GRM5: variants seen among roughly 807,000 people sequenced by gnomAD.
GRM5 encodes glutamate metabotropic receptor 5, also known as metabotropic glutamate receptor 5.
GRM5 carries 19 observed loss-of-function variants against 83.1 expected under a neutral mutation model. The ratio of observed to expected loss-of-function variants is 0.23; its 90% confidence interval spans 0.16 to 0.34. The LOEUF is 0.34. GRM5 is among the 10% of genes least tolerant of loss of function. The pLI, the probability that GRM5 is intolerant of heterozygous loss-of-function variation, is 1.00. For missense variants in GRM5, 1,160 were observed against 1,588.3 expected (o/e 0.73, Z 4.58); for synonymous variants, 675 against 633.6 (o/e 1.07, Z -0.98).
chr11:88,985,440 T>G (rs554965748), intron 2 of GRM5, among the ~76,000 whole-genome samples: 3 of 152,166 alleles, frequency 2.0e-5, no homozygotes, highest in Non-Finnish European at 2.9e-5. Flanking sequence ...AAGGCACAAT[T>G]TATTGTCTGT....
intron 2 of GRM5, among the ~76,000 whole-genome samples, chr11:88,867,322 T>C (rs1167991986): frequency 6.6e-6 from 1 of 151,812 alleles, no homozygotes; most frequent in African/African-American, 2.4e-5. Context: ...TGGGGTTGAA[T>C]ATGAGAAAAT....
intron 4 of GRM5, among the ~76,000 whole-genome samples, chr11:88,637,158 A>G (rs1042640213): frequency 3.3e-5 from 5 of 152,132 alleles, no homozygotes; most frequent in Admixed American, 6.6e-5. Context: ...GGCCATTTTC[A>G]TGATATAAAG....
chr11:88,909,178 C>T (rs1945452881), intron 2 of GRM5, among the ~76,000 whole-genome samples: 1 of 152,038 alleles, frequency 6.6e-6, no homozygotes, highest in Admixed American at 6.6e-5. Context: ...TATATTATTG[C>T]CTTGGAAACC....
chr11:88,941,957 A>G (rs1382675537), intron 2 of GRM5, among the ~76,000 whole-genome samples: 2 of 152,084 alleles, frequency 1.3e-5, no homozygotes, highest in African/African-American at 2.4e-5. Context: ...TACACAAAAA[A>G]ATTCACATGA....
intron 2 of GRM5, among the ~76,000 whole-genome samples, chr11:88,908,633 T>C (rs989912127): frequency 6.6e-6 from 1 of 152,200 alleles, no homozygotes; most frequent in Non-Finnish European, 1.5e-5. Flanking sequence ...TATCCTATTA[T>C]ACCTTATTTT....
chr11:88,914,821 G>A (rs991175367), intron 2 of GRM5, among the ~76,000 whole-genome samples: 18 of 151,880 alleles, frequency 1.2e-4, no homozygotes, highest in East Asian at 7.7e-4. Context: ...TTTCTCAAAC[G>A]TAAAGAAAAA....
intron 3 of GRM5, among the ~76,000 whole-genome samples, chr11:88,702,287 A>G (rs1165925732): frequency 6.6e-6 from 1 of 152,100 alleles, no homozygotes; most frequent in African/African-American, 2.4e-5. Flanking sequence ...TACAAAAAGG[A>G]ATAAATACCT....
At chr11:88,929,592 C>T (rs1277441903) in intron 2 of GRM5, among the ~76,000 whole-genome samples, 1 of 152,116 alleles carries the variant, frequency 6.6e-6, no homozygotes, top group Non-Finnish European at 1.5e-5. Context: ...TGTTCCTTTA[C>T]ATGACTAAGC....
At chr11:88,766,848 T>G (rs180709911) in intron 3 of GRM5, among the ~76,000 whole-genome samples, 6 of 152,018 alleles carry the variant, frequency 3.9e-5, no homozygotes, top group African/African-American at 1.4e-4. Flanking sequence ...GTTAAACAAA[T>G]TCACAAGCAA....
At chr11:88,571,192 A>G (rs972815477) in intron 7 of GRM5, among the ~76,000 whole-genome samples, 6 of 152,154 alleles carry the variant, frequency 3.9e-5, no homozygotes, top group African/African-American at 1.4e-4. Flanking sequence ...TACTATTTTT[A>G]TCAGATATAT....
chr11:88,986,769 C>T (rs1267732380), intron 2 of GRM5, among the ~76,000 whole-genome samples: 1 of 128,860 alleles, frequency 7.8e-6, no homozygotes, highest in African/African-American at 2.7e-5. Context: ...ATCATATCCT[C>T]CCCCAAAAAT....
rs575702592 is a variant in GRM5 at position 88,590,593 on chromosome 11, T to C, written c.1690+8A>G. 24 of 1,610,978 alleles carry C rather than the reference T, an allele frequency of 1.5e-5. No homozygotes were observed. Among genetic ancestry groups the C allele is most frequent in the Admixed American group, 5.0e-5 (3 of 59,906 alleles). The stretch of plus-strand genomic sequence containing the variant: ...TAATTTATATGTGGTGAGATTGTGA[T>C]AGATTACCTGTGAGATCATCAGTGG... On this transcript the variant is annotated splice_region_variant and intron_variant, in intron 7 of 9. Coordinates refer to ENST00000305447, the MANE Select transcript of GRM5 (RefSeq NM_001143831.3).
At chr11:88,785,918 T>C (rs1943059980) in intron 3 of GRM5, among the ~76,000 whole-genome samples, 1 of 152,116 alleles carries the variant, frequency 6.6e-6, no homozygotes, top group Non-Finnish European at 1.5e-5. Context: ...TTTGCTCAGG[T>C]TCCAAAGACA....
intron 2 of GRM5, among the ~76,000 whole-genome samples, chr11:88,996,962 C>T (rs1233884005): frequency 6.6e-6 from 1 of 152,064 alleles, no homozygotes; most frequent in African/African-American, 2.4e-5. Flanking sequence ...GACAATATAA[C>T]AAAATTTGTG....
rs1027252685 is a variant in GRM5 at position 88,505,072 on chromosome 11, T to A, written c.*3520A>T. 6.6e-6 allele frequency: 1 copy of A among 152,164 alleles called. No homozygotes were observed. The highest frequency in any genetic ancestry group is 2.4e-5 in the African/African-American group (1 of 41,452). The allele number at this position is 152,164 out of a possible 1,614,324, so 9.4% of individuals were successfully genotyped here. A position where few individuals can be genotyped will look rare whatever the true frequency, so the allele number is the denominator to read the frequency against. On this transcript the variant is annotated 3_prime_UTR_variant, in exon 10 of 10. Transcript: ENST00000305447. The stretch of plus-strand genomic sequence containing the variant: ...GATCAGTGAAATTCAACCAACTATT[T>A]TATACATGCCTCATTCTTCAATAGA...
chr11:88,836,724 G>A (rs1258754976), intron 3 of GRM5, among the ~76,000 whole-genome samples: 2 of 152,112 alleles, frequency 1.3e-5, no homozygotes, highest in Non-Finnish European at 2.9e-5. Context: ...GAACTCAGGA[G>A]ACAGAGACTG....
chr11:88,704,880 C>T (rs757451251), intron 3 of GRM5, among the ~76,000 whole-genome samples: 44 of 151,902 alleles, frequency 2.9e-4, no homozygotes, highest in Non-Finnish European at 5.7e-4. Flanking sequence ...CCTTGTCTTC[C>T]CTTGGTCTGT....
intron 3 of GRM5, among the ~76,000 whole-genome samples, chr11:88,682,792 A>G (rs1940527563): frequency 1.3e-5 from 2 of 152,176 alleles, no homozygotes; most frequent in Admixed American, 6.5e-5. Context: ...ATCTCTATGA[A>G]TTAAAGAAAT....
intron 7 of GRM5, among the ~76,000 whole-genome samples, chr11:88,570,571 A>ATTTTTTTTTTTTTT (rs1194098388): frequency 8.6e-5 from 4 of 46,378 alleles, no homozygotes; most frequent in Non-Finnish European, 1.4e-4. Flanking sequence ...ATATATATAT[A>ATTTTTTTTTTTTTT]TTTTTTTTTT....
Sources: gnomAD v4.1 joint callset for allele counts (sites outside exome capture counted in the v4.1 genomes callset) on GRCh38, gnomAD v4.1.1 for gene constraint, MANE v1.5 for transcripts, NCBI Gene and HGNC (gene_info 2026-07-23, HGNC 2026-07-21) for gene names.